KANK1: variants seen among roughly 807,000 people sequenced by gnomAD.
KANK1 encodes KN motif and ankyrin repeat domains 1.
KANK1 carries 109 observed loss-of-function variants against 106.2 expected under a neutral mutation model. That is an observed-to-expected ratio of 1.03 (90% CI 0.88 to 1.20). KANK1 has a LOEUF of 1.20. Ranked by LOEUF, KANK1 falls within the 50% of genes most tolerant of loss-of-function variation. KANK1 has a pLI of 0.00. For missense variants in KANK1, 2,399 were observed against 1,710.7 expected, an observed-to-expected ratio of 1.40 and a Z score of -7.10; for synonymous variants, 873 against 652.2, an observed-to-expected ratio of 1.34 and a Z score of -5.16.
intron 1 of KANK1, among the ~76,000 whole-genome samples, chr9:522,827 A>G (rs2059611577): frequency 6.6e-6 from 1 of 151,458 alleles, no homozygotes; most frequent in South Asian, 2.1e-4. Context: ...CCTGGTTTTC[A>G]CTTCATTACT....
At chr9:647,336 T>A (rs1312189633) in intron 1 of KANK1, among the ~76,000 whole-genome samples, 1 of 98,152 alleles carries the variant, frequency 1.0e-5, no homozygotes, top group Non-Finnish European at 2.4e-5. Context: ...TGATGTCTTA[T>A]TCTTGGCATT....
At chr9:680,998 G>A (rs1265447136) in intron 2 of KANK1, 2 of 152,474 alleles carry the variant, frequency 1.3e-5, no homozygotes, top group Non-Finnish European at 2.9e-5. Context: ...AGGATTGCTT[G>A]AGGCCAGGAG....
rs139069346 is a variant in KANK1 at position 622,232 on chromosome 9, C to T, written c.-83-54658C>T. Among the ~76,000 whole-genome samples the T allele has an allele frequency of 5.5e-3, 839 of 152,198 alleles. 8 individuals carry two copies. Among genetic ancestry groups the T allele is most frequent in the African/African-American group, 0.02 (822 of 41,510 alleles). On this transcript the variant is annotated intron_variant, in intron 1 of 11. Coordinates refer to ENST00000382297, the MANE Select transcript of KANK1 (RefSeq NM_015158.5). ...ACTTTTAGTATCCATAAAAGACTTC[C>T]CTTGGAGCACAAAGAAGTTAATAAT...
chr9:645,004 G>C (rs1013162422), intron 1 of KANK1, among the ~76,000 whole-genome samples: 2 of 149,618 alleles, frequency 1.3e-5, no homozygotes, highest in East Asian at 3.9e-4. Context: ...TGCACCTGTA[G>C]TCCCAGCTAC....
chr9:570,235 T>C (rs1262801993), intron 1 of KANK1, among the ~76,000 whole-genome samples: 1 of 152,226 alleles, frequency 6.6e-6, no homozygotes, highest in African/African-American at 2.4e-5. Flanking sequence ...GTGGAGATAA[T>C]GTAGACTTAA....
In KANK1 at chr9:730,154, A is replaced by G. The variant is rs1026414607; in HGVS notation, c.2802A>G (p.Gly934=). ...AGCAAGAAGTGGGGACCTCAGAAGG[A>G]AAGCCAATCAGCAGCCTGGATGCCT... The part of the protein sequence containing the change: ...QPEQEVGTSE[G]KPISSLDAFP... Residue 934 remains glycine (G), a synonymous_variant, in exon 4 of 12, where the codon GGA becomes GGG. Transcript: ENST00000382297. The G allele has an allele frequency of 6.2e-7, 1 of 1,614,204 alleles. No individual in the cohort carries two copies. The highest frequency in any genetic ancestry group is 1.6e-4 in the Middle Eastern group (1 of 6,062).
At chr9:535,948 A>AT (rs936952985) in intron 1 of KANK1, among the ~76,000 whole-genome samples, 21 of 152,032 alleles carry the variant, frequency 1.4e-4, no homozygotes, top group Non-Finnish European at 2.6e-4. Context: ...CCACTTCCAC[A>AT]TTTTTTGGTA....
chr9:532,340 C>T (rs1323964413), intron 1 of KANK1, among the ~76,000 whole-genome samples: 1 of 131,328 alleles, frequency 7.6e-6, no homozygotes, highest in Non-Finnish European at 1.6e-5. Context: ...CTCACTGGTT[C>T]AAGCGATTCT....
At chr9:558,690 T>TG (rs1436726669) in intron 1 of KANK1, 1 of 133,312 alleles carries the variant, frequency 7.5e-6, no homozygotes, top group East Asian at 2.2e-4. Context: ...CCCACAAAAA[T>TG]GAAAAAAAAA....
intron 1 of KANK1, among the ~76,000 whole-genome samples, chr9:554,940 G>A (rs1393610777): frequency 1.3e-5 from 2 of 152,202 alleles, no homozygotes; most frequent in Non-Finnish European, 2.9e-5. Flanking sequence ...AACAGGAAGA[G>A]AGTTAGTGAA....
chr9:738,467 C>G lies in KANK1; in HGVS notation c.3516C>G (p.His1172Gln). Residue 1172 changes from histidine to glutamine, a missense_variant, in exon 8 of 12, where the codon CAC becomes CAG. By Grantham distance (24) the His-to-Gln change is conservative. Coordinates refer to ENST00000382297, the MANE Select transcript of KANK1 (RefSeq NM_015158.5). ...GNTALHYSVS[H>Q]SNFEIVKLLL... is the part of the protein sequence containing the mutation. ...CAGCCCTCCATTACAGCGTGTCCCA[C>G]TCCAACTTCGAGATTGTGAAGCTGC... The G allele has an allele frequency of 6.2e-7, 1 of 1,614,182 alleles. No individual in the cohort carries two copies. The highest frequency in any genetic ancestry group is 8.5e-7 in the Non-Finnish European group (1 of 1,180,022).
chr9:701,886 G>T lies in KANK1; in HGVS notation c.38-8918G>T, dbSNP rs555716655. On this transcript the variant is annotated intron_variant, in intron 2 of 11. Coordinates refer to ENST00000382297, the MANE Select transcript of KANK1 (RefSeq NM_015158.5). ...CATATAGTACTTTATGAATCTAGAT[G>T]AAATGATTTTTGAAATATCCATAAC... Among the ~76,000 whole-genome samples, 7 of 152,250 alleles carry T rather than the reference G, an allele frequency of 4.6e-5. No homozygotes were observed. The East Asian group carries it at 1.4e-3, about 29-fold the overall frequency.
chr9:581,171 G>A (rs758932064), intron 1 of KANK1, among the ~76,000 whole-genome samples: 54 of 152,228 alleles, frequency 3.5e-4, no homozygotes, highest in Non-Finnish European at 6.2e-4. Context: ...ACATCTCCCC[G>A]CAAGCAGAGG....
At chr9:637,848 A>T (rs983638328) in intron 1 of KANK1, among the ~76,000 whole-genome samples, 1 of 152,196 alleles carries the variant, frequency 6.6e-6, no homozygotes. Flanking sequence ...CCTTCAGCAT[A>T]AGAAAAGCCA....
intron 8 of KANK1, 71 bp downstream of exon 8, chr9:738,575 G>A (rs1834440825): frequency 3.4e-6 from 4 of 1,193,226 alleles, no homozygotes; most frequent in Non-Finnish European, 5.0e-6. Flanking sequence ...AGAGAACCTG[G>A]TTGAGCCACT....
chr9:675,684 T>C (rs1304487388), intron 1 of KANK1, among the ~76,000 whole-genome samples: 1 of 152,156 alleles, frequency 6.6e-6, no homozygotes, highest in Admixed American at 6.5e-5. Flanking sequence ...GAAAGGGGTC[T>C]TAATCCAGAC....
chr9:623,616 AG>A (rs1355404981), intron 1 of KANK1, among the ~76,000 whole-genome samples: 1 of 151,566 alleles, frequency 6.6e-6, no homozygotes, highest in African/African-American at 2.4e-5. Context: ...AAAAAAAAAA[AG>A]AAAAAGAAAA....
At chr9:546,432 G>C (rs7857873) in intron 1 of KANK1, among the ~76,000 whole-genome samples, 17,224 of 151,868 alleles carry the variant, frequency 0.11, 1,749 homozygotes, top group African/African-American at 0.28. Context: ...GCTGAGAAAC[G>C]CTGGTGTCTG....
At chr9:728,462 T>G (rs1427018907) in intron 3 of KANK1, among the ~76,000 whole-genome samples, 3 of 149,650 alleles carry the variant, frequency 2.0e-5, no homozygotes, top group African/African-American at 7.6e-5. Context: ...CCTCCCAAAG[T>G]GCTGGGGTTA....
Sources: allele counts gnomAD v4.1 joint callset (sites outside exome capture counted in the v4.1 genomes callset), GRCh38; gene constraint gnomAD v4.1.1; transcripts MANE v1.5; gene names NCBI Gene and HGNC (gene_info 2026-07-23, HGNC 2026-07-21).